Variants in PCDHGB1 observed in about 807,000 individuals in gnomAD.
PCDHGB1 encodes protocadherin gamma subfamily B, 1, also known as protocadherin gamma-B1.
In PCDHGB1, 34 loss-of-function variants were observed where a neutral mutation model predicts 56.6. That is an observed-to-expected ratio of 0.60 (90% CI 0.46 to 0.80). PCDHGB1 has a LOEUF of 0.80. Among genes scored for constraint, PCDHGB1 ranks in the 30% least tolerant of loss-of-function variants. The pLI, the probability that PCDHGB1 is intolerant of heterozygous loss-of-function variation, is 0.00. For synonymous variants in PCDHGB1, 561 were observed against 505.9 expected (o/e 1.11, Z -1.46); for missense variants, 1,278 against 1,204.6 (o/e 1.06, Z -0.90).
intron 1 of PCDHGB1, among the ~76,000 whole-genome samples, chr5:141,481,443 C>T (rs971405190): frequency 1.3e-5 from 2 of 152,174 alleles, no homozygotes; most frequent in African/African-American, 4.8e-5. Flanking sequence ...CAGTTTAGTA[C>T]ATGTAAATAC....
In PCDHGB1 at chr5:141,486,444, T is replaced by C. The variant is rs769032995; in HGVS notation, c.2410-8363T>C. 2 of 1,614,086 alleles carry C rather than the reference T, an allele frequency of 1.2e-6. No individual in the cohort carries two copies. On this transcript the variant is annotated intron_variant, in intron 1 of 3. Transcript: ENST00000523390. This position sits in a 1 kb window ranked among gnomAD's most constrained non-coding sequence, Gnocchi z 5.0. ...GAGGCCAAATCTAGCTATGACATCA[T>C]GGTCACTGCTTCTGATGCTGGGAAC...
At chr5:141,438,571 TATACATACATAC>T (rs1212381177) in intron 1 of PCDHGB1, among the ~76,000 whole-genome samples, 4 of 94,544 alleles carry the variant, frequency 4.2e-5, no homozygotes, top group African/African-American at 9.7e-5. Context: ...AGCTGTCTGA[TATACATACATAC>T]ATACATACAT....
intron 1 of PCDHGB1, chr5:141,388,709 C>T (rs370023698): frequency 1.9e-6 from 3 of 1,613,820 alleles, no homozygotes; most frequent in Admixed American, 3.3e-5. Context: ...GTGTCAATGC[C>T]GAGATTACTT....
intron 1 of PCDHGB1, among the ~76,000 whole-genome samples, chr5:141,368,532 G>A (rs768576370): frequency 6.6e-6 from 1 of 152,082 alleles, no homozygotes; most frequent in Non-Finnish European, 1.5e-5. Context: ...GTGAAAACTT[G>A]CTTTTCCATT....
In PCDHGB1 at chr5:141,490,267, G is replaced by A. The variant is rs765238578; in HGVS notation, c.2410-4540G>A. ...TGTGATTCAAGTGGATGTGGGGGAT[G>A]TCAATGACAATGCCCCAGAGGTGCT... On this transcript the variant is annotated intron_variant, in intron 1 of 3. Transcript: ENST00000523390. The surrounding 1 kb of genome is among the most constrained non-coding windows in gnomAD (Gnocchi z 5.4). The A allele has an allele frequency of 6.2e-7, 1 of 1,614,242 alleles. No homozygotes were observed. The highest frequency in any genetic ancestry group is 1.1e-5 in the South Asian group (1 of 91,084).
At chr5:141,422,007 T>A in intron 1 of PCDHGB1, 1 of 1,609,966 alleles carries the variant, frequency 6.2e-7, no homozygotes, top group Non-Finnish European at 8.5e-7. Context: ...GCTCCGGAAC[T>A]CGGGTGCTGA....
At chr5:141,439,631 A>G (rs1459977985) in intron 1 of PCDHGB1, among the ~76,000 whole-genome samples, 2 of 152,214 alleles carry the variant, frequency 1.3e-5, no homozygotes, top group African/African-American at 2.4e-5. Context: ...ATCCCCAGAC[A>G]TTCCGGCTTG....
rs773126086 is a variant in PCDHGB1 at position 141,487,392 on chromosome 5, G to C, written c.2410-7415G>C. The C allele has an allele frequency of 6.2e-7, 1 of 1,614,176 alleles. No homozygotes were observed. Among genetic ancestry groups the C allele is most frequent in the Non-Finnish European group, 8.5e-7 (1 of 1,180,024 alleles). ...GCCTGTCTCACCAGATCTCGAAGGA[G>C]GGAGGGGCTTCCCCCTTCCAATGGG... On this transcript the variant is annotated intron_variant, in intron 1 of 3. Coordinates refer to ENST00000523390, the MANE Select transcript of PCDHGB1 (RefSeq NM_018922.3). This position sits in a 1 kb window ranked among gnomAD's most constrained non-coding sequence, Gnocchi z 5.0.
At chr5:141,366,457 C>A (rs747734622) in intron 1 of PCDHGB1, 11 of 1,614,106 alleles carry the variant, frequency 6.8e-6, no homozygotes, top group Non-Finnish European at 6.8e-6. Flanking sequence ...CCTTCGTCAT[C>A]GTGCTGCTGG....
chr5:141,441,882 C>A, intron 1 of PCDHGB1: 1 of 343,664 alleles, frequency 2.9e-6, no homozygotes, highest in South Asian at 2.6e-5. Context: ...GCTACCTGGT[C>A]ACCAAGGTGG....
intron 1 of PCDHGB1, among the ~76,000 whole-genome samples, chr5:141,452,522 A>G (rs924248463): frequency 6.6e-6 from 1 of 152,310 alleles, no homozygotes; most frequent in African/African-American, 2.4e-5. Context: ...CTCCCTCAAA[A>G]TCGTGAGTTC....
intron 1 of PCDHGB1, chr5:141,366,238 C>T (rs376279746): frequency 6.2e-7 from 1 of 1,613,786 alleles, no homozygotes; most frequent in South Asian, 1.1e-5. Flanking sequence ...TGGACAGAGA[C>T]GCGCTCAAGC....
chr5:141,398,264 T>C lies in PCDHGB1; in HGVS notation c.2409+45595T>C, dbSNP rs370063277. On this transcript the variant is annotated intron_variant, in intron 1 of 3. Transcript: ENST00000523390. ...CCCGAGGAAATGCCCAAGGGCTCCG[T>C]AGTGGGGAACCTCGCCACGGACCTG... 2,051 of 1,443,238 alleles carry C rather than the reference T, an allele frequency of 1.4e-3. 29 individuals carry two copies. In the African/African-American group the frequency reaches 0.026, roughly 18 times the overall value. 89.4% of individuals were successfully genotyped at this position (1,443,238 alleles called of 1,614,324 possible).
At position 141,494,854 on chromosome 5, in the gene PCDHGB1, C is replaced by T. The variant is rs1353498253; in HGVS notation, c.2457C>T (p.Pro819=). ...TDWRFSQAQR[P]GTSGSQNGDD... The stretch of plus-strand genomic sequence containing the variant: ...GGCGTTTCTCTCAGGCCCAGAGACC[C>T]GGCACCAGCGGGTAGGTGACTGATT... The change falls in exon 2 of 4, where the codon CCC becomes CCT. Residue 819 remains proline (P), a synonymous_variant. Coordinates refer to ENST00000523390, the MANE Select transcript of PCDHGB1 (RefSeq NM_018922.3). 1.2e-6 allele frequency: 2 copies of T among 1,614,120 alleles called. No homozygotes were observed. Among genetic ancestry groups the T allele is most frequent in the East Asian group, 2.2e-5 (1 of 44,870 alleles).
At chr5:141,509,720 A>G (rs916316577) in intron 3 of PCDHGB1, among the ~76,000 whole-genome samples, 6 of 151,974 alleles carry the variant, frequency 3.9e-5, no homozygotes, top group Admixed American at 3.3e-4. Context: ...GTCTGATGTC[A>G]CCTAGCTGTG....
intron 1 of PCDHGB1, chr5:141,426,739 GC>G (rs1345744337): frequency 8.8e-6 from 4 of 453,408 alleles, no homozygotes; most frequent in Non-Finnish European, 1.8e-5. Flanking sequence ...ATTCGGTTTG[GC>G]CTGGAATCTG....
intron 1 of PCDHGB1, among the ~76,000 whole-genome samples, chr5:141,475,625 G>C (rs1172186188): frequency 2.0e-5 from 3 of 152,204 alleles, no homozygotes; most frequent in African/African-American, 7.2e-5. Flanking sequence ...GGTTTGGTTC[G>C]ATCCCCTTTC....
intron 1 of PCDHGB1, chr5:141,419,142 G>A (rs1351034238): frequency 6.2e-7 from 1 of 1,613,902 alleles, no homozygotes; most frequent in Non-Finnish European, 8.5e-7. Context: ...ACAGACAGGG[G>A]CAAGCCTCCG....
chr5:141,488,502 C>T (rs989368385), intron 1 of PCDHGB1, among the ~76,000 whole-genome samples: 2 of 152,146 alleles, frequency 1.3e-5, no homozygotes, highest in Non-Finnish European at 2.9e-5. Context: ...ACACTCATTC[C>T]ACATTTGGGG....
Sources: gnomAD v4.1 joint callset for allele counts (sites outside exome capture counted in the v4.1 genomes callset) on GRCh38, gnomAD v4.1.1 for gene constraint, Gnocchi (gnomAD v3.1) non-coding constraint, MANE v1.5 for transcripts, NCBI Gene and HGNC (gene_info 2026-07-23, HGNC 2026-07-21) for gene names.